The following TOMM20L variants were observed in gnomAD, a reference collection of about 807,000 sequenced individuals.
TOMM20L encodes TOMM20-like protein 1.
In TOMM20L, 19 loss-of-function variants were observed where a neutral mutation model predicts 20.4. That is an observed-to-expected ratio of 0.93 (90% CI 0.65 to 1.36). The LOEUF (loss-of-function observed/expected upper bound fraction) is 1.36, where lower values mean the gene tolerates loss of function less well. Among genes scored for constraint, TOMM20L ranks in the 40% most tolerant of loss-of-function variants. TOMM20L has a pLI of 0.00. For missense variants in TOMM20L, 218 were observed against 203.7 expected (o/e 1.07, Z -0.43); for synonymous variants, 75 against 79.6 (o/e 0.94, Z 0.30).
chr14:58,403,296 T>C (rs1461689827), intron 3 of TOMM20L, among the ~76,000 whole-genome samples: 1 of 152,172 alleles, frequency 6.6e-6, no homozygotes, highest in African/African-American at 2.4e-5. Flanking sequence ...GGTTTGAGGT[T>C]GCAGTGAGCC....
downstream of TOMM20L, among the ~76,000 whole-genome samples, chr14:58,413,531 G>A (rs982080223): frequency 4.6e-5 from 7 of 152,098 alleles, no homozygotes; most frequent in African/African-American, 1.2e-4. Context: ...ATAATCTAAC[G>A]TGGCGGCAAC....
chr14:58,399,781 C>A (rs1010568145), intron 2 of TOMM20L, among the ~76,000 whole-genome samples: 1 of 150,884 alleles, frequency 6.6e-6, no homozygotes, highest in African/African-American at 2.4e-5. Context: ...TATGATGCTC[C>A]TGGTATCACT....
intron 3 of TOMM20L, among the ~76,000 whole-genome samples, chr14:58,406,164 C>T (rs2036054671): frequency 6.6e-6 from 1 of 152,090 alleles, no homozygotes; most frequent in South Asian, 2.1e-4. Flanking sequence ...GACCATAGGG[C>T]CAATAATTTT....
At chr14:58,404,104 T>TATATATATATATATATATATATAC in intron 3 of TOMM20L, among the ~76,000 whole-genome samples, 1 of 17,504 alleles carries the variant, frequency 5.7e-5, no homozygotes. Context: ...TATATGTATA[T>TATATATATATATATATATATATAC]ATATATATAT....
intron 3 of TOMM20L, among the ~76,000 whole-genome samples, chr14:58,405,873 G>T (rs1451413225): frequency 2.0e-5 from 3 of 152,182 alleles, no homozygotes; most frequent in African/African-American, 7.2e-5. Flanking sequence ...GGTCTTGGCT[G>T]CTTATTCTTT....
At position 58,395,950 on chromosome 14, in the gene TOMM20L, G is replaced by C; in HGVS notation, c.-8G>C. 6 of 1,390,676 alleles carry C rather than the reference G, an allele frequency of 4.3e-6. No homozygotes were observed. In the African/African-American group the frequency reaches 9.0e-5, roughly 21 times the overall value. 86.1% of individuals were successfully genotyped at this position (1,390,676 alleles called of 1,614,324 possible). A position where few individuals can be genotyped will look rare whatever the true frequency, so the allele number is the denominator to read the frequency against. ...CCAACGCTCGGCTTGTGGGACGCCC[G>C]CGGTCGGATGCCCTCCGTCCGCTCC... On this transcript the variant is annotated 5_prime_UTR_variant, in exon 1 of 5. Transcript: ENST00000360945.
chr14:58,411,725 C>T (rs757957962), downstream of TOMM20L, among the ~76,000 whole-genome samples: 6 of 151,714 alleles, frequency 4.0e-5, no homozygotes, highest in South Asian at 6.3e-4. Flanking sequence ...TTTTAGGAGA[C>T]GGAGTTTCAC....
chr14:58,410,635 T>G (rs962464904), downstream of TOMM20L, among the ~76,000 whole-genome samples: 1 of 152,260 alleles, frequency 6.6e-6, no homozygotes, highest in Admixed American at 6.5e-5. Flanking sequence ...TAAAATGGTC[T>G]GACTTGGTAC....
At chr14:58,413,612 G>T (rs2036290695), downstream of TOMM20L, among the ~76,000 whole-genome samples, 1 of 152,110 alleles carries the variant, frequency 6.6e-6, no homozygotes, top group Non-Finnish European at 1.5e-5. Flanking sequence ...CTAAATGTAG[G>T]ACTTAGGTTC....
chr14:58,397,301 TAG>T (rs1159383720), intron 2 of TOMM20L, among the ~76,000 whole-genome samples: 1 of 152,150 alleles, frequency 6.6e-6, no homozygotes, highest in Non-Finnish European at 1.5e-5. Flanking sequence ...TGTCTGTGTA[TAG>T]AGAGAGCACG....
chr14:58,403,460 A>G (rs1314758448), intron 3 of TOMM20L, among the ~76,000 whole-genome samples: 3 of 152,210 alleles, frequency 2.0e-5, no homozygotes, highest in Admixed American at 1.3e-4. Context: ...TTAATTCCCT[A>G]TGAATGTCCA....
chr14:58,414,752 GA>G, the TOMM20L span, among the ~76,000 whole-genome samples: 1 of 85,666 alleles, frequency 1.2e-5, no homozygotes. Context: ...AAAAAAAAAA[GA>G]AAAAAAAGAA....
In TOMM20L at chr14:58,407,493, G is replaced by C. The variant is rs1047497; in HGVS notation, c.405+25G>C. ...GGTGAGCACATATTTAATTATCTTT[G>C]TGAAATGTACACAGTAAATAGCTAT... On this transcript the variant is annotated intron_variant, in intron 4 of 4. Transcript: ENST00000360945. 5.6e-6 allele frequency: 9 copies of C among 1,602,510 alleles called. No individual in the cohort carries two copies. The East Asian group carries it at 1.8e-4, about 32-fold the overall frequency.
chr14:58,400,842 C>T (rs1469358414), intron 2 of TOMM20L, among the ~76,000 whole-genome samples: 2 of 152,182 alleles, frequency 1.3e-5, no homozygotes, highest in Non-Finnish European at 2.9e-5. Flanking sequence ...TGCACCACTG[C>T]ACTCCAGCTT....
At chr14:58,409,385 A>C (rs2036135881), downstream of TOMM20L, among the ~76,000 whole-genome samples, 1 of 152,156 alleles carries the variant, frequency 6.6e-6, no homozygotes, top group Non-Finnish European at 1.5e-5. Context: ...GTTTGTAGTC[A>C]CTAAGAGCAA....
the TOMM20L span, among the ~76,000 whole-genome samples, chr14:58,416,890 T>C: frequency 6.6e-6 from 1 of 152,136 alleles, no homozygotes; most frequent in Admixed American, 6.5e-5. Flanking sequence ...GGAGAATTCC[T>C]TGGGCTCTGG....
downstream of TOMM20L, chr14:58,408,774 C>T: frequency 1.4e-6 from 1 of 691,388 alleles, no homozygotes. Flanking sequence ...TTTTTCTAAT[C>T]AAGTGACCAA....
At chr14:58,398,375 G>C (rs538183166) in intron 2 of TOMM20L, among the ~76,000 whole-genome samples, 1 of 152,332 alleles carries the variant, frequency 6.6e-6, no homozygotes, top group Admixed American at 6.5e-5. Context: ...ACCTTGTGCA[G>C]AGGCACAGAA....
intron 4 of TOMM20L, 100 bp from the exon 5 acceptor site, chr14:58,408,429 A>AG: frequency 1.7e-6 from 2 of 1,144,792 alleles, no homozygotes; most frequent in East Asian, 4.9e-5. Context: ...AAAAAAAAAA[A>AG]AAAGAAAAGT....
Sources: gnomAD v4.1 joint callset for allele counts (sites outside exome capture counted in the v4.1 genomes callset) on GRCh38, gnomAD v4.1.1 for gene constraint, MANE v1.5 for transcripts, NCBI Gene and HGNC (gene_info 2026-07-23, HGNC 2026-07-21) for gene names.